The following MAP4K5 variants were observed in gnomAD, a reference collection of about 807,000 sequenced individuals.
MAP4K5 encodes the protein MAPK/ERK kinase kinase kinase 5.
A neutral mutation model predicts 135.6 loss-of-function variants in MAP4K5; 82 were observed. The ratio of observed to expected loss-of-function variants is 0.60; its 90% CI spans 0.51 to 0.73. The LOEUF (loss-of-function observed/expected upper bound fraction) is 0.73, where lower values mean the gene tolerates loss of function less well. Ranked by LOEUF, MAP4K5 falls within the 30% of genes least tolerant of loss-of-function variation. The probability of loss-of-function intolerance (pLI) is 0.00; values close to 1 mark genes in which losing one functional copy is unlikely to be tolerated. For missense variants in MAP4K5, 907 were observed against 1,010.9 expected (o/e 0.90, Z 1.39); for synonymous variants, 347 against 335.0 (o/e 1.04, Z -0.39).
intron 1 of MAP4K5, among the ~76,000 whole-genome samples, chr14:50,558,818 G>A (rs759567812): frequency 3.9e-5 from 6 of 152,188 alleles, no homozygotes; most frequent in Non-Finnish European, 7.3e-5. Context: ...ATGAGATAAT[G>A]TCTGTCTTCC....
chr14:50,463,972 TA>T (rs1208732834), intron 12 of MAP4K5, 79 bp downstream of exon 12: 1 of 759,092 alleles, frequency 1.3e-6, no homozygotes, highest in Non-Finnish European at 2.1e-6. Flanking sequence ...ATTTTTATCT[TA>T]AAAACATAAA....
chr14:50,449,806 A>G (rs1180635507), intron 14 of MAP4K5: 1 of 152,260 alleles, frequency 6.6e-6, no homozygotes, highest in Non-Finnish European at 1.5e-5. Flanking sequence ...ACTACTATTC[A>G]TAAAGAACCT....
chr14:50,486,268 C>G (rs1257202300), intron 3 of MAP4K5, 74 bp from the exon 4 acceptor site: 1 of 582,390 alleles, frequency 1.7e-6, no homozygotes, highest in Non-Finnish European at 3.0e-6. Flanking sequence ...GAAAACTTTA[C>G]AATAAATATT....
chr14:50,442,704 A>G, intron 21 of MAP4K5, 28 bp downstream of exon 21: 1 of 1,276,064 alleles, frequency 7.8e-7, no homozygotes. Context: ...ATTTTATTGG[A>G]GATGTATATA....
At chr14:50,501,636 T>C (rs2037707619) in intron 3 of MAP4K5, among the ~76,000 whole-genome samples, 1 of 152,118 alleles carries the variant, frequency 6.6e-6, no homozygotes, top group Non-Finnish European at 1.5e-5. Flanking sequence ...GTTCTATCCA[T>C]TTGTTGTATG....
At chr14:50,557,425 C>T (rs987315) in intron 1 of MAP4K5, among the ~76,000 whole-genome samples, 143,056 of 152,246 alleles carry the variant, frequency 0.94, 67,642 homozygotes, top group Non-Finnish European at 0.99. Context: ...CATATCCTTT[C>T]CTTTTTCCAG....
intron 3 of MAP4K5, among the ~76,000 whole-genome samples, chr14:50,499,585 T>C (rs888076000): frequency 2.0e-5 from 3 of 151,886 alleles, no homozygotes; most frequent in Admixed American, 6.6e-5. Context: ...TTGAACCCGG[T>C]TGGCAAAGGT....
At chr14:50,559,943 G>A in intron 1 of MAP4K5, 1 of 439,586 alleles carries the variant, frequency 2.3e-6, no homozygotes, top group South Asian at 2.6e-5. Flanking sequence ...GGGGGGTGCT[G>A]TTTATTTGTT....
intron 2 of MAP4K5, among the ~76,000 whole-genome samples, chr14:50,510,989 A>C (rs2037919944): frequency 1.3e-5 from 2 of 152,202 alleles, no homozygotes; most frequent in African/African-American, 4.8e-5. Context: ...ATGTCCACAT[A>C]AAAACCTATA....
intron 2 of MAP4K5, among the ~76,000 whole-genome samples, chr14:50,527,552 A>T (rs1031694909): frequency 2.6e-5 from 4 of 152,180 alleles, no homozygotes; most frequent in African/African-American, 4.8e-5. Flanking sequence ...ATACTGATTT[A>T]AAAACATTTA....
chr14:50,555,067 T>C (rs2038749076), intron 1 of MAP4K5, among the ~76,000 whole-genome samples: 1 of 152,166 alleles, frequency 6.6e-6, no homozygotes, highest in Non-Finnish European at 1.5e-5. Context: ...GTCAATGGTA[T>C]TTGAGTGGAG....
chr14:50,442,707 T>C (rs774702267), intron 21 of MAP4K5, 25 bp downstream of exon 21: 1 of 1,315,424 alleles, frequency 7.6e-7, no homozygotes. Context: ...TTATTGGAGA[T>C]GTATATAAAA....
At chr14:50,475,192 A>C (rs1255395189) in intron 8 of MAP4K5, 43 bp from the exon 9 acceptor site, 1 of 1,425,362 alleles carries the variant, frequency 7.0e-7, no homozygotes, top group South Asian at 1.2e-5. Flanking sequence ...TTTACAATAC[A>C]CCAAACAACA....
intron 28 of MAP4K5, 53 bp from the exon 29 acceptor site, chr14:50,429,313 G>A: frequency 9.6e-7 from 1 of 1,045,284 alleles, no homozygotes; most frequent in East Asian, 2.6e-5. Context: ...CTAGAGCCTA[G>A]AAAATAAACA....
chr14:50,545,303 T>A (rs1310256074), intron 1 of MAP4K5, among the ~76,000 whole-genome samples: 1 of 152,202 alleles, frequency 6.6e-6, no homozygotes, highest in Non-Finnish European at 1.5e-5. Flanking sequence ...GAGTCACGTT[T>A]TGGTCTCAGC....
At chr14:50,440,287 A>G in intron 22 of MAP4K5, 75 bp downstream of exon 22, 1 of 1,005,738 alleles carries the variant, frequency 9.9e-7, no homozygotes, top group African/African-American at 1.6e-5. Flanking sequence ...GGGCCTACAC[A>G]GATTGATTTA....
At position 50,447,441 on chromosome 14, in the gene MAP4K5, G is replaced by A; in HGVS notation, c.1115C>T (p.Pro372Leu). 1.3e-6 allele frequency: 2 copies of A among 1,551,594 alleles called. No individual in the cohort carries two copies. The highest frequency in any genetic ancestry group is 1.7e-6 in the Non-Finnish European group (2 of 1,146,646). ...GCCAGTATTTGCACCATCAACAAAAGGATTCCACTGTAACATGAAATTTGG... is the reference window on the plus strand; with the variant it reads ...GCCAGTATTTGCACCATCAACAAAAAGATTCCACTGTAACATGAAATTTGG... ...SDPNFMLQWN[P>L]FVDGANTGKS... Residue 372 changes from proline to leucine, a missense_variant, in exon 16 of 33, where the codon CCT (proline) becomes CTT (leucine). Transcript: ENST00000682126.
chr14:50,510,512 T>C (rs917295521), intron 2 of MAP4K5, among the ~76,000 whole-genome samples: 1 of 152,206 alleles, frequency 6.6e-6, no homozygotes, highest in Non-Finnish European at 1.5e-5. Flanking sequence ...CTCTACAAAT[T>C]TGTTGAATAG....
At chr14:50,480,617 T>C (rs1303237752) in intron 6 of MAP4K5, among the ~76,000 whole-genome samples, 1 of 152,178 alleles carries the variant, frequency 6.6e-6, no homozygotes, top group Non-Finnish European at 1.5e-5. Flanking sequence ...TCCATCCTTG[T>C]TCTTGAAAAT....
Sources: gnomAD v4.1 joint callset for allele counts (sites outside exome capture counted in the v4.1 genomes callset) on GRCh38, gnomAD v4.1.1 for gene constraint, MANE v1.5 for transcripts, NCBI Gene and HGNC (gene_info 2026-07-23, HGNC 2026-07-21) for gene names.